Variants in GARIN5A observed in about 807,000 individuals in gnomAD.
GARIN5A encodes the protein Golgi-associated RAB2 interactor protein 5A.
At chr19:50,467,711 G>A in the GARIN5A span, 17 of 1,598,752 alleles carry the variant, frequency 1.1e-5, no homozygotes, top group East Asian at 1.1e-4. Context: ...TCTCGGTCTC[G>A]GGTCTTGAGT....
the GARIN5A span, among the ~76,000 whole-genome samples, chr19:50,472,144 ATACGTGTGTATATGTATG>A: frequency 4.2e-4 from 64 of 151,414 alleles, no homozygotes; most frequent in African/African-American, 1.0e-3. Flanking sequence ...ATATGTATGT[ATACGTGTGTATATGTATG>A]TATACGTGTG....
At chr19:50,472,141 T>TATATAC in the GARIN5A span, among the ~76,000 whole-genome samples, 21,964 of 124,564 alleles carry the variant, frequency 0.18, 3,090 homozygotes, top group South Asian at 0.23. Flanking sequence ...TGTATATGTA[T>TATATAC]GTATACGTGT....
At chr19:50,472,262 T>G in the GARIN5A span, among the ~76,000 whole-genome samples, 1 of 116,782 alleles carries the variant, frequency 8.6e-6, no homozygotes, top group Non-Finnish European at 1.7e-5. Context: ...CATGTATGTG[T>G]GTATATATGT....
At chr19:50,467,545 C>A in the GARIN5A span, 6 of 1,506,236 alleles carry the variant, frequency 4.0e-6, no homozygotes, top group South Asian at 2.4e-5. Flanking sequence ...GCGCTTCCCC[C>A]CTCTCCTCAC....
At chr19:50,471,997 C>T in the GARIN5A span, among the ~76,000 whole-genome samples, 8 of 137,274 alleles carry the variant, frequency 5.8e-5, no homozygotes, top group South Asian at 2.3e-4. Context: ...TGTATATATA[C>T]GTGTATGTAT....
the GARIN5A span, among the ~76,000 whole-genome samples, chr19:50,471,655 T>C: frequency 8.2e-6 from 1 of 121,852 alleles, no homozygotes; most frequent in African/African-American, 3.4e-5. Context: ...TACGCATACA[T>C]GCACGTGTGT....
chr19:50,472,243 TTATATATACATGTATGTGTGTATATATG>T, the GARIN5A span, among the ~76,000 whole-genome samples: 1,215 of 133,514 alleles, frequency 9.1e-3, 16 homozygotes, highest in Non-Finnish European at 0.011. Context: ...TATGTGTGTA[TTATATATACATGTATGTGTGTATATATG>T]TATATATACA....
the GARIN5A span, among the ~76,000 whole-genome samples, chr19:50,474,321 C>T: frequency 2.1e-5 from 3 of 140,368 alleles, no homozygotes; most frequent in Non-Finnish European, 3.1e-5. Context: ...CTGGGATTAC[C>T]GGCGCCCGCC....
chr19:50,476,674 C>G, the GARIN5A span: 1 of 1,450,790 alleles, frequency 6.9e-7, no homozygotes, highest in African/African-American at 1.5e-5. Context: ...TGCTCTTTAG[C>G]TGTGCATAGC....
chr19:50,472,326 T>C, the GARIN5A span, among the ~76,000 whole-genome samples: 1 of 149,470 alleles, frequency 6.7e-6, no homozygotes, highest in African/African-American at 2.5e-5. Flanking sequence ...TGTGTATATA[T>C]ATATCTCTCT....
At chr19:50,476,780 C>T in the GARIN5A span, 4 of 651,768 alleles carry the variant, frequency 6.1e-6, no homozygotes, top group South Asian at 2.2e-5. Flanking sequence ...GTGGGAGATC[C>T]CTGGAAAGCC....
the GARIN5A span, among the ~76,000 whole-genome samples, chr19:50,474,510 T>G: frequency 6.6e-6 from 1 of 152,108 alleles, no homozygotes; most frequent in African/African-American, 2.4e-5. Context: ...CACGCCCGAC[T>G]AATTTTTTGT....
the GARIN5A span, among the ~76,000 whole-genome samples, chr19:50,469,625 A>C: frequency 6.6e-6 from 1 of 152,126 alleles, no homozygotes; most frequent in Non-Finnish European, 1.5e-5. Flanking sequence ...AGCCCGATTT[A>C]AGGTCCAACA....
the GARIN5A span, chr19:50,475,442 CCCAA>C: frequency 6.2e-7 from 1 of 1,606,212 alleles, no homozygotes; most frequent in Non-Finnish European, 8.5e-7. Context: ...GGCAACTTCT[CCCAA>C]CCGAGTCACC....
the GARIN5A span, chr19:50,467,576 C>G: frequency 1.3e-6 from 2 of 1,542,826 alleles, no homozygotes; most frequent in African/African-American, 2.7e-5. Context: ...TCCCTCTGGG[C>G]CTCCACCTCA....
chr19:50,468,084 G>A, the GARIN5A span, among the ~76,000 whole-genome samples: 1 of 152,172 alleles, frequency 6.6e-6, no homozygotes, highest in Non-Finnish European at 1.5e-5. Context: ...TCTGGGGCCA[G>A]GCGTGGTGGC....
At chr19:50,473,784 C>T in the GARIN5A span, among the ~76,000 whole-genome samples, 1 of 152,184 alleles carries the variant, frequency 6.6e-6, no homozygotes, top group African/African-American at 2.4e-5. Flanking sequence ...GTCAGGAGTT[C>T]GAGACCAGCC....
At chr19:50,472,374 T>C in the GARIN5A span, among the ~76,000 whole-genome samples, 7 of 151,812 alleles carry the variant, frequency 4.6e-5, no homozygotes, top group Non-Finnish European at 1.0e-4. Context: ...GGCTGGAAGT[T>C]GGTTAGACAG....
chr19:50,472,212 G>C, the GARIN5A span, among the ~76,000 whole-genome samples: 603 of 138,916 alleles, frequency 4.3e-3, 17 homozygotes, highest in African/African-American at 0.016. Flanking sequence ...GTATATACAT[G>C]TGTGTATGTA....
Sources: allele counts gnomAD v4.1 joint callset (sites outside exome capture counted in the v4.1 genomes callset), GRCh38; gene constraint gnomAD v4.1.1; transcripts MANE v1.5; gene names NCBI Gene and HGNC (gene_info 2026-07-23, HGNC 2026-07-21).